The following PCBP2 variants were observed in gnomAD, a reference collection of about 807,000 sequenced individuals.
The protein encoded by PCBP2 is poly(rC) binding protein 2.
A neutral mutation model predicts 50.1 loss-of-function variants in PCBP2; 4 were observed. The ratio of observed to expected loss-of-function variants is 0.08; its 90% CI spans 0.04 to 0.18. PCBP2 has a LOEUF of 0.18. Among genes scored for constraint, PCBP2 ranks in the 10% least tolerant of loss-of-function variants. The pLI, the probability that PCBP2 is intolerant of heterozygous loss-of-function variation, is 1.00. For missense variants in PCBP2, 161 were observed against 474.3 expected (o/e 0.34, Z 6.14); for synonymous variants, 179 against 168.0 (o/e 1.07, Z -0.51).
At chr12:53,470,494 T>G (rs996220801) in intron 13 of PCBP2, among the ~76,000 whole-genome samples, 1 of 150,750 alleles carries the variant, frequency 6.6e-6, no homozygotes, top group Admixed American at 6.6e-5. Flanking sequence ...AGCCTTGAAC[T>G]TCCAGGCTTA....
intron 10 of PCBP2, among the ~76,000 whole-genome samples, chr12:53,466,730 C>T (rs1941850778): frequency 6.6e-6 from 1 of 152,000 alleles, no homozygotes; most frequent in African/African-American, 2.4e-5. Flanking sequence ...TCAGTGGTGG[C>T]GGTGATGGGA....
Position 53,455,584 on chromosome 12 carries a change from CAAT to C in PCBP2, c.126+94_126+96del, listed in dbSNP as rs1394665102. 10 of 1,295,390 alleles carry C rather than the reference CAAT, an allele frequency of 7.7e-6. No individual in the cohort carries two copies. The African/African-American group carries it at 1.2e-4, about 15-fold the overall frequency. 80.2% of individuals were successfully genotyped at this position (1,295,390 alleles called of 1,614,324 possible). On this transcript the variant is annotated intron_variant, in intron 4 of 14. Transcript: ENST00000546463. The stretch of plus-strand genomic sequence containing the variant: ...TCTTTTTCAGAAATTAGGAAGGTCT[CAAT>C]AAGGGAAATATGTATTTTTTTTCGG...
chr12:53,479,077 T>A (rs76377861), intron 14 of PCBP2, among the ~76,000 whole-genome samples: 4,792 of 152,210 alleles, frequency 0.031, 100 homozygotes, highest in East Asian at 0.072. Context: ...ACATTGCTTC[T>A]GTGTATTGTG....
At position 53,452,207 on chromosome 12, in the gene PCBP2, G is replaced by C. The variant is rs1317893771; in HGVS notation, c.-245G>C. ...CCCTCCGCCGCCCTCCACCCGCCCC[G>C]GGGTCTCTTTCCCCCTTCCTCCTCC... On this transcript the variant is annotated 5_prime_UTR_variant, in exon 1 of 15. Coordinates refer to ENST00000546463, the MANE Select transcript of PCBP2 (RefSeq NM_031989.5). 2.6e-5 allele frequency: 2 copies of C among 78,162 alleles called. No individual in the cohort carries two copies. Among genetic ancestry groups the C allele is most frequent in the Non-Finnish European group, 5.2e-5 (2 of 38,742 alleles). The allele number at this position is 78,162 out of a possible 1,614,324, so 4.8% of individuals were successfully genotyped here.
chr12:53,457,931 T>G (rs1456068233), intron 5 of PCBP2, among the ~76,000 whole-genome samples: 2 of 152,128 alleles, frequency 1.3e-5, no homozygotes, highest in Non-Finnish European at 1.5e-5. Context: ...TAGGTTTGTT[T>G]TTTTTGTTTG....
chr12:53,473,239 C>T (rs940020322), intron 14 of PCBP2, among the ~76,000 whole-genome samples: 1 of 152,010 alleles, frequency 6.6e-6, no homozygotes, highest in African/African-American at 2.4e-5. Context: ...CACGTGCCAC[C>T]ACGTCCAGCT....
intron 12 of PCBP2, chr12:53,468,352 A>G: frequency 4.7e-6 from 1 of 212,280 alleles, no homozygotes; most frequent in Non-Finnish European, 9.4e-6. Context: ...CATGTGTGCC[A>G]GAAGTCCATG....
At chr12:53,465,735 A>C (rs1941773828) in intron 9 of PCBP2, among the ~76,000 whole-genome samples, 197 bp from the exon 10 acceptor site, 1 of 152,168 alleles carries the variant, frequency 6.6e-6, no homozygotes, top group Non-Finnish European at 1.5e-5. Context: ...CCCCGGAACA[A>C]AGTCATATTT....
intron 13 of PCBP2, among the ~76,000 whole-genome samples, chr12:53,470,590 T>TC (rs1386030386): frequency 2.0e-5 from 3 of 151,030 alleles, no homozygotes; most frequent in Non-Finnish European, 2.9e-5. Context: ...GTATTTTTTT[T>TC]GTAAAGACAA....
intron 13 of PCBP2, among the ~76,000 whole-genome samples, chr12:53,469,781 A>G (rs1186331829): frequency 9.3e-5 from 3 of 32,360 alleles, no homozygotes; most frequent in Non-Finnish European, 1.7e-4. Flanking sequence ...TTTTTTTTTG[A>G]GACGGCATCT....
At position 53,467,157 on chromosome 12, in the gene PCBP2, G is replaced by A. The variant is rs955337257; in HGVS notation, c.715-64G>A. 7 of 1,279,810 alleles carry A rather than the reference G, an allele frequency of 5.5e-6. No homozygotes were observed. In the African/African-American group the frequency reaches 5.9e-5, roughly 11 times the overall value. 79.3% of individuals were successfully genotyped at this position (1,279,810 alleles called of 1,614,324 possible). A position where few individuals can be genotyped will look rare whatever the true frequency, so the allele number is the denominator to read the frequency against. On this transcript the variant is annotated intron_variant, in intron 10 of 14. Transcript: ENST00000546463. ...AATCAGGACCTGCATTTTCAAATTC[G>A]AATGTGCTTGAGCCCTGGCTCTGTT...
Position 53,479,730 on chromosome 12 carries a change from T to C in PCBP2, c.*288T>C, listed in dbSNP as rs1308460952. On this transcript the variant is annotated 3_prime_UTR_variant, in exon 15 of 15. Transcript: ENST00000546463. ...GTCATGGAAATGTAAGAGTGGAATA[T>C]TAATACATTTCAGTTTAGTTCTGTA... is the stretch of plus-strand genomic sequence containing the variant. 2 of 251,080 alleles carry C rather than the reference T, an allele frequency of 8.0e-6. No individual in the cohort carries two copies. Among genetic ancestry groups the C allele is most frequent in the Non-Finnish European group, 1.4e-5 (2 of 143,260 alleles). 15.6% of individuals were successfully genotyped at this position (251,080 alleles called of 1,614,324 possible). A position where few individuals can be genotyped will look rare whatever the true frequency, so the allele number is the denominator to read the frequency against.
chr12:53,459,764 T>C (rs1238919254), intron 6 of PCBP2: 2 of 331,580 alleles, frequency 6.0e-6, no homozygotes, highest in South Asian at 2.3e-5. Context: ...TAACTTTTTT[T>C]CTTTTTTTTG....
chr12:53,464,044 G>T (rs565397642), intron 8 of PCBP2, among the ~76,000 whole-genome samples: 79 of 152,316 alleles, frequency 5.2e-4, no homozygotes, highest in African/African-American at 1.9e-3. Flanking sequence ...AAACTGGTTT[G>T]TTCAAAGGGC....
At chr12:53,460,302 G>A (rs1941363394) in intron 6 of PCBP2, 1 of 311,864 alleles carries the variant, frequency 3.2e-6, no homozygotes, top group East Asian at 1.1e-4. Context: ...ACAATGCCCG[G>A]CTAATTTTTC....
At chr12:53,477,966 A>G (rs1018001965) in intron 14 of PCBP2, among the ~76,000 whole-genome samples, 5 of 152,352 alleles carry the variant, frequency 3.3e-5, no homozygotes, top group Admixed American at 2.0e-4. Flanking sequence ...TCTATTCAAA[A>G]TGAGGGCAAA....
chr12:53,458,958 ACAT>A (rs1166303072), intron 5 of PCBP2, among the ~76,000 whole-genome samples: 10 of 152,104 alleles, frequency 6.6e-5, no homozygotes. Flanking sequence ...TTTAATTTTG[ACAT>A]CATCTTTTTT....
At chr12:53,463,519 C>T (rs114917751) in intron 8 of PCBP2, among the ~76,000 whole-genome samples, 1,961 of 152,120 alleles carry the variant, frequency 0.013, 47 homozygotes, top group African/African-American at 0.044. Context: ...ATAGTATTTA[C>T]ATTGTATTAG....
chr12:53,458,304 T>G (rs1419751919), intron 5 of PCBP2, among the ~76,000 whole-genome samples: 6 of 151,200 alleles, frequency 4.0e-5, no homozygotes, highest in African/African-American at 7.3e-5. Context: ...TTTGTTTTTG[T>G]TTTTGTTTTG....
Sources: allele counts gnomAD v4.1 joint callset (sites outside exome capture counted in the v4.1 genomes callset), GRCh38; gene constraint gnomAD v4.1.1; transcripts MANE v1.5; gene names NCBI Gene and HGNC (gene_info 2026-07-23, HGNC 2026-07-21).